DDX60L: variants seen among roughly 807,000 people sequenced by gnomAD.
DDX60L encodes DExD/H-box 60 like, also known as probable ATP-dependent RNA helicase DDX60-like.
DDX60L carries 191 observed loss-of-function variants against 211.6 expected under a neutral mutation model. The ratio of observed to expected loss-of-function variants is 0.90; its 90% CI spans 0.80 to 1.02. The LOEUF is 1.02. Among genes scored for constraint, DDX60L ranks in the 50% least tolerant of loss-of-function variants. The probability of loss-of-function intolerance (pLI) is 0.00; values close to 1 mark genes in which losing one functional copy is unlikely to be tolerated. For synonymous variants in DDX60L, 706 were observed against 694.1 expected (o/e 1.02, Z -0.27); for missense variants, 2,007 against 1,984.1 (o/e 1.01, Z -0.22).
rs573415007 is a variant in DDX60L at position 168,432,362 on chromosome 4, C to T, written c.1516+93G>A. On this transcript the variant is annotated intron_variant, in intron 12 of 37. Coordinates refer to ENST00000682922, the MANE Select transcript of DDX60L (RefSeq NM_001012967.3). ...TAGATAGATCTCATTCAAAATAGAA[C>T]GTGTTTACAATGTAATATCTTTTCA... The T allele has an allele frequency of 4.0e-4, 149 of 374,796 alleles. 1 individual carries two copies. The highest frequency in any genetic ancestry group is 3.7e-3 in the Middle Eastern group (10 of 2,738). The allele number at this position is 374,796 out of a possible 1,614,324, so 23.2% of individuals were successfully genotyped here.
chr4:168,367,265 C>T (rs1433889724), intron 36 of DDX60L, among the ~76,000 whole-genome samples: 2 of 152,262 alleles, frequency 1.3e-5, no homozygotes, highest in South Asian at 2.1e-4. Flanking sequence ...GGGAGGAACC[C>T]AGTGGGAGGT....
intron 9 of DDX60L, among the ~76,000 whole-genome samples, chr4:168,441,800 T>C (rs1224432387): frequency 6.6e-6 from 1 of 152,112 alleles, no homozygotes; most frequent in Non-Finnish European, 1.5e-5. Flanking sequence ...CTGGGCAATG[T>C]ACCGAGATGC....
intron 4 of DDX60L, among the ~76,000 whole-genome samples, chr4:168,471,047 G>A (rs1007039844): frequency 4.6e-5 from 7 of 152,100 alleles, no homozygotes; most frequent in African/African-American, 1.4e-4. Flanking sequence ...GCCAAAGATC[G>A]TTAAATGGCA....
chr4:168,457,124 G>A (rs1313488709), intron 6 of DDX60L, among the ~76,000 whole-genome samples: 1 of 151,916 alleles, frequency 6.6e-6, no homozygotes, highest in African/African-American at 2.4e-5. Flanking sequence ...GCTGAGGTGG[G>A]AGGATCACCT....
At chr4:168,443,619 G>A (rs1036433019) in intron 9 of DDX60L, among the ~76,000 whole-genome samples, 1 of 151,862 alleles carries the variant, frequency 6.6e-6, no homozygotes, top group Admixed American at 6.6e-5. Context: ...GTTAAGGGCA[G>A]CCAGAGAGAA....
chr4:168,449,805 T>TAAAA (rs777111638), intron 8 of DDX60L, among the ~76,000 whole-genome samples: 22 of 77,794 alleles, frequency 2.8e-4, no homozygotes, highest in Middle Eastern at 6.2e-3. Context: ...TGGGTAAAAA[T>TAAAA]AAAAAAAAAA....
chr4:168,424,477 C>A (rs999651790), intron 14 of DDX60L, among the ~76,000 whole-genome samples: 8 of 152,148 alleles, frequency 5.3e-5, no homozygotes, highest in African/African-American at 1.9e-4. Context: ...ACTGCTTATG[C>A]AGACCACCAA....
rs751943110 is a variant in DDX60L at position 168,427,065 on chromosome 4, CA to C, written c.1930+4del. 1.3e-6 allele frequency: 2 copies of C among 1,597,938 alleles called. No individual in the cohort carries two copies. Among genetic ancestry groups the C allele is most frequent in the South Asian group, 2.3e-5 (2 of 88,608 alleles). ...TCTTTATCCATAGAGTATGGAGTCC[CA>C]TACCTTCACCTCGGCAATGTTTTTT... On this transcript the variant is annotated splice_donor_region_variant and intron_variant, in intron 14 of 37. Transcript: ENST00000682922.
intron 36 of DDX60L, among the ~76,000 whole-genome samples, chr4:168,365,172 G>C (rs1249679512): frequency 6.6e-6 from 1 of 151,934 alleles, no homozygotes; most frequent in Non-Finnish European, 1.5e-5. Context: ...AAAGAATAAA[G>C]CTTAAAGAAG....
intron 30 of DDX60L, among the ~76,000 whole-genome samples, chr4:168,381,730 C>G (rs1003110226): frequency 8.5e-5 from 13 of 152,100 alleles, no homozygotes; most frequent in African/African-American, 3.1e-4. Flanking sequence ...ATCTCCACAA[C>G]AGTAGATGCC....
At chr4:168,419,009 G>A (rs1750029841) in intron 19 of DDX60L, among the ~76,000 whole-genome samples, 1 of 152,206 alleles carries the variant, frequency 6.6e-6, no homozygotes. Context: ...TTCTGTTAAG[G>A]TTCATAATGC....
chr4:168,477,287 C>G (rs569652910), intron 1 of DDX60L, among the ~76,000 whole-genome samples: 1 of 151,930 alleles, frequency 6.6e-6, no homozygotes, highest in Non-Finnish European at 1.5e-5. Flanking sequence ...TGGTGGCAGG[C>G]GCCTGTAGTC....
At chr4:168,465,874 C>T (rs1757925457) in intron 4 of DDX60L, among the ~76,000 whole-genome samples, 1 of 152,006 alleles carries the variant, frequency 6.6e-6, no homozygotes, top group Non-Finnish European at 1.5e-5. Context: ...TATGCCAGTA[C>T]CATGCTGTTT....
At chr4:168,385,145 C>A (rs568910931) in intron 29 of DDX60L, among the ~76,000 whole-genome samples, 1 of 152,302 alleles carries the variant, frequency 6.6e-6, no homozygotes, top group Admixed American at 6.5e-5. Flanking sequence ...ACCAGAAAGA[C>A]CAAGGCATGA....
chr4:168,436,187 C>T (rs528104646), intron 10 of DDX60L, among the ~76,000 whole-genome samples: 18 of 152,182 alleles, frequency 1.2e-4, no homozygotes, highest in South Asian at 6.2e-4. Flanking sequence ...TTATTGGAGC[C>T]GAGAATAAGA....
rs1454186479 is a variant in DDX60L at position 168,361,153 on chromosome 4, T to C, written c.4987A>G (p.Ile1663Val). Residue 1663 changes from isoleucine (I) to valine (V), a missense_variant, in exon 37 of 38, where the codon ATC becomes GTC. Transcript: ENST00000682922. ...LKDFAFNIQA[I>V]SDSLSELCEN... Reference sequence around the variant, plus strand: ...CAAACTCAGCATGAAACATACCTGATAGCCTGAATGTTGAATGCAAAATCT... The same window carrying C: ...CAAACTCAGCATGAAACATACCTGACAGCCTGAATGTTGAATGCAAAATCT... 1.2e-6 allele frequency: 2 copies of C among 1,604,616 alleles called. No individual in the cohort carries two copies. The highest frequency in any genetic ancestry group is 1.1e-5 in the South Asian group (1 of 89,882).
intron 27 of DDX60L, 59 bp downstream of exon 27, chr4:168,395,900 G>A (rs997023310): frequency 1.0e-5 from 12 of 1,142,866 alleles, no homozygotes; most frequent in South Asian, 8.2e-5. Context: ...GATATTAAAC[G>A]ATCACTATGA....
chr4:168,368,261 C>T (rs893145583), intron 36 of DDX60L, among the ~76,000 whole-genome samples: 6 of 152,190 alleles, frequency 3.9e-5, no homozygotes, highest in South Asian at 4.1e-4. Context: ...TTGTGCCCTG[C>T]ATCCCAGCTG....
At chr4:168,467,579 G>C (rs1358199820) in intron 4 of DDX60L, among the ~76,000 whole-genome samples, 2 of 152,034 alleles carry the variant, frequency 1.3e-5, no homozygotes, top group African/African-American at 4.8e-5. Flanking sequence ...GATAAGGCGG[G>C]CAAATCCCTT....
Sources: allele counts gnomAD v4.1 joint callset (sites outside exome capture counted in the v4.1 genomes callset), GRCh38; gene constraint gnomAD v4.1.1; transcripts MANE v1.5; gene names NCBI Gene and HGNC (gene_info 2026-07-23, HGNC 2026-07-21).